The following MYH9 variants were observed in gnomAD, a reference collection of about 807,000 sequenced individuals.
The protein encoded by MYH9 is myosin heavy chain 9.
Under a neutral mutation model 241.9 loss-of-function variants are expected in MYH9, and 29 were observed. That is an observed-to-expected ratio of 0.12 (90% CI 0.09 to 0.16). MYH9 has a LOEUF of 0.16. MYH9 is among the 10% of genes least tolerant of loss of function. MYH9 has a pLI of 1.00. For synonymous variants in MYH9, 1,047 were observed against 1,062.6 expected, an observed-to-expected ratio of 0.99 and a Z score of 0.29; for missense variants, 1,803 against 2,595.5, an observed-to-expected ratio of 0.69 and a Z score of 6.63.
rs188571981 is a variant in MYH9 at position 36,320,693 on chromosome 22, C to T, written c.868+105G>A. 814 of 1,017,522 alleles carry T rather than the reference C, an allele frequency of 8.0e-4. 8 individuals are homozygous for T. In the African/African-American group the frequency reaches 0.011, roughly 14 times the overall value. The allele number at this position is 1,017,522 out of a possible 1,614,324, so 63.0% of individuals were successfully genotyped here. On this transcript the variant is annotated intron_variant, in intron 8 of 40. Coordinates refer to ENST00000216181, the MANE Select transcript of MYH9 (RefSeq NM_002473.6). This position sits in a 1 kb window ranked among gnomAD's most constrained non-coding sequence, Gnocchi z 4.8. ...TCACTCTCACTTCTCCCCGTTAAAC[C>T]CAAGGCCAAAAGTTTTCATTTCCCA...
Position 36,305,872 on chromosome 22 carries a change from G to A in MYH9, c.2159+58C>T. Reference sequence around the variant, plus strand: ...TGCCAGGGAGCAGCAGCCCACCTCTGGGACTCACTGCACGCACAGCAGGGC... The same window carrying A: ...TGCCAGGGAGCAGCAGCCCACCTCTAGGACTCACTGCACGCACAGCAGGGC... On this transcript the variant is annotated intron_variant, in intron 17 of 40. Transcript: ENST00000216181. This position sits in a 1 kb window ranked among gnomAD's most constrained non-coding sequence, Gnocchi z 4.7. 4.3e-6 allele frequency: 7 copies of A among 1,609,698 alleles called. No homozygotes were observed. The highest frequency in any genetic ancestry group is 5.9e-6 in the Non-Finnish European group (7 of 1,178,518).
chr22:36,383,257 C>T (rs1229771274), intron 1 of MYH9, among the ~76,000 whole-genome samples: 1 of 152,088 alleles, frequency 6.6e-6, no homozygotes, highest in Non-Finnish European at 1.5e-5. Flanking sequence ...ATCAAACCTC[C>T]CCTCACCCAG....
intron 1 of MYH9, among the ~76,000 whole-genome samples, chr22:36,367,677 G>A (rs544249062): frequency 2.6e-5 from 4 of 152,282 alleles, no homozygotes; most frequent in Admixed American, 2.6e-4. Context: ...CCCCAGAAAC[G>A]TGACTACCGC....
rs1161615308 is a variant in MYH9 at position 36,282,778 on chromosome 22, C to T, written c.5773G>A (p.Asp1925Asn). 3 of 1,610,334 alleles carry T rather than the reference C, an allele frequency of 1.9e-6. No individual in the cohort carries two copies. The highest frequency in any genetic ancestry group is 2.7e-5 in the African/African-American group (2 of 74,566). Residue 1925 changes from aspartate (D) to asparagine (N), a missense_variant, in exon 41 of 41, where the codon GAC (aspartate) becomes AAC (asparagine). Around this residue, in one of 11 missense-constraint regions of MYH9, gnomAD observed 876 missense variants for 1,077.8 expected, o/e 0.81. Coordinates refer to ENST00000216181, the MANE Select transcript of MYH9 (RefSeq NM_002473.6). ...CGGCGGGGCACGACAAACGGCAGGT[C>T]CCCGCGCCTGGGGGCAGAGGTAGAA... ...SSLKNKLRRGDLPFVVPRRMA... is the reference protein window; with the variant it reads ...SSLKNKLRRGNLPFVVPRRMA...
chr22:36,319,695 T>C, intron 9 of MYH9, 60 bp from the exon 10 acceptor site: 1 of 1,513,910 alleles, frequency 6.6e-7, no homozygotes, highest in Non-Finnish European at 9.1e-7. Context: ...TTCCCGGGGG[T>C]GGGGGCCACT....
chr22:36,331,689 G>C (rs1450048782), intron 3 of MYH9, among the ~76,000 whole-genome samples: 2 of 152,242 alleles, frequency 1.3e-5, no homozygotes, highest in African/African-American at 4.8e-5. Context: ...TTCACCAGCA[G>C]CCACTGCTGG....
At chr22:36,308,956 C>G (rs1237381735) in intron 15 of MYH9, 1 of 771,854 alleles carries the variant, frequency 1.3e-6, no homozygotes, top group African/African-American at 1.9e-5. Context: ...TCAAAGCAAC[C>G]AGCCTACCAA....
chr22:36,372,682 G>A (rs1010523260), intron 1 of MYH9, among the ~76,000 whole-genome samples: 3 of 152,104 alleles, frequency 2.0e-5, no homozygotes, highest in Non-Finnish European at 4.4e-5. Flanking sequence ...AGGGGAGGAC[G>A]CAAGGAGCTC....
intron 31 of MYH9, among the ~76,000 whole-genome samples, chr22:36,290,010 A>G (rs1476009): frequency 0.97 from 147,647 of 152,230 alleles, 71,594 homozygotes; most frequent in East Asian, 1. Context: ...GGATCCGGCT[A>G]CCACAGTTGG....
intron 31 of MYH9, among the ~76,000 whole-genome samples, chr22:36,290,647 A>G (rs1044572945): frequency 3.2e-4 from 36 of 113,602 alleles, no homozygotes; most frequent in Admixed American, 3.0e-3. Flanking sequence ...CTGGCTGCCC[A>G]GTCTGGAAGG....
chr22:36,381,653 C>T (rs2018257638), intron 1 of MYH9, among the ~76,000 whole-genome samples: 1 of 152,136 alleles, frequency 6.6e-6, no homozygotes, highest in African/African-American at 2.4e-5. Flanking sequence ...GTTTACATAC[C>T]ATGTTTTACA....
At position 36,288,716 on chromosome 22, in the gene MYH9, G is replaced by A. The variant is rs2016632554; in HGVS notation, c.4770+11C>T. The A allele has an allele frequency of 6.2e-7, 1 of 1,601,226 alleles. No homozygotes were observed. The highest frequency in any genetic ancestry group is 8.5e-7 in the Non-Finnish European group (1 of 1,179,890). On this transcript the variant is annotated intron_variant, in intron 33 of 40. Coordinates refer to ENST00000216181, the MANE Select transcript of MYH9 (RefSeq NM_002473.6). This position sits in a 1 kb window ranked among gnomAD's most constrained non-coding sequence, Gnocchi z 4.8. ...TTGGGCACCCATGGGGTAGCAGGAGGCCATGCACACCTGTCTGACCAGCTG... is the reference window on the plus strand; with the variant it reads ...TTGGGCACCCATGGGGTAGCAGGAGACCATGCACACCTGTCTGACCAGCTG...
chr22:36,383,664 AAG>A (rs1491439892), intron 1 of MYH9, among the ~76,000 whole-genome samples: 17 of 100,678 alleles, frequency 1.7e-4, no homozygotes, highest in Admixed American at 1.3e-3. Context: ...ATTAAAAAAA[AAG>A]GGGGGGGGGT....
intron 31 of MYH9, 25 bp from the exon 32 acceptor site, chr22:36,289,322 G>T: frequency 1.9e-6 from 3 of 1,590,558 alleles, no homozygotes; most frequent in South Asian, 1.1e-5. Context: ...GGCACCATGA[G>T]GCTCAGAGCT....
rs1240350856 is a variant in MYH9, at chr22:36,329,862, C to T, written c.491-2374G>A. 6.6e-6 allele frequency among the ~76,000 whole-genome samples: 1 copy of T among 152,224 alleles called. No individual in the cohort carries two copies. Among genetic ancestry groups the T allele is most frequent in the Non-Finnish European group, 1.5e-5 (1 of 68,046 alleles). On this transcript the variant is annotated intron_variant, in intron 3 of 40. Coordinates refer to ENST00000216181, the MANE Select transcript of MYH9 (RefSeq NM_002473.6). This position sits in a 1 kb window ranked among gnomAD's most constrained non-coding sequence, Gnocchi z 4.1. ...ATATGGAGGTAGGTGTACAGAGGTACGTGTGCACAGAAATACATGCGCACA... is the reference window on the plus strand; with the variant it reads ...ATATGGAGGTAGGTGTACAGAGGTATGTGTGCACAGAAATACATGCGCACA...
intron 20 of MYH9, 107 bp downstream of exon 20, chr22:36,302,461 G>A (rs1330119807): frequency 9.2e-6 from 9 of 982,168 alleles, no homozygotes; most frequent in Admixed American, 3.5e-5. Flanking sequence ...CAACCTGGGC[G>A]ACATGGTGAG....
chr22:36,319,771 GGCGCC>G, intron 9 of MYH9, 136 bp from the exon 10 acceptor site: 1 of 884,168 alleles, frequency 1.1e-6, no homozygotes, highest in Non-Finnish European at 1.8e-6. Flanking sequence ...GGGCCACAGG[GGCGCC>G]AGGTCTGCGT....
chr22:36,359,992 G>C (rs1365340842), intron 1 of MYH9, among the ~76,000 whole-genome samples: 1 of 150,668 alleles, frequency 6.6e-6, no homozygotes, highest in Non-Finnish European at 1.5e-5. Flanking sequence ...CCTTGAAGCT[G>C]TTAGCACCCC....
intron 3 of MYH9, among the ~76,000 whole-genome samples, chr22:36,328,252 C>T (rs777541630): frequency 1.7e-4 from 26 of 152,232 alleles, no homozygotes; most frequent in Admixed American, 7.2e-4. Context: ...GCTCTATGAA[C>T]TGCTCGGCAA....
Sources: gnomAD v4.1 joint callset for allele counts (sites outside exome capture counted in the v4.1 genomes callset) on GRCh38, gnomAD v4.1.1 for gene constraint, gnomAD v4.1.1 regional missense constraint, Gnocchi (gnomAD v3.1) non-coding constraint, MANE v1.5 for transcripts, NCBI Gene and HGNC (gene_info 2026-07-23, HGNC 2026-07-21) for gene names.